The following ENTREP2 variants were observed in gnomAD, a reference collection of about 807,000 sequenced individuals.
ENTREP2 encodes the protein endosomal transmembrane epsin interactor 2.
the ENTREP2 span, among the ~76,000 whole-genome samples, chr15:29,246,973 GCACACACACACACACACACA>G: frequency 5.8e-5 from 8 of 137,094 alleles, no homozygotes; most frequent in East Asian, 2.2e-4. Flanking sequence ...GACTGGAAAG[GCACACACACACACACACACA>G]CACACACACA....
the ENTREP2 span, among the ~76,000 whole-genome samples, chr15:29,566,861 A>ACG: frequency 6.6e-6 from 1 of 151,860 alleles, no homozygotes; most frequent in African/African-American, 2.4e-5. Flanking sequence ...ACACACACAC[A>ACG]CACACACACA....
the ENTREP2 span, among the ~76,000 whole-genome samples, chr15:29,352,647 C>A: frequency 8.5e-5 from 13 of 152,278 alleles, no homozygotes; most frequent in Non-Finnish European, 1.8e-4. Flanking sequence ...CACTGATGAG[C>A]CTGTCCTTCC....
the ENTREP2 span, among the ~76,000 whole-genome samples, chr15:29,497,002 G>T: frequency 6.6e-6 from 1 of 152,172 alleles, no homozygotes; most frequent in African/African-American, 2.4e-5. Flanking sequence ...CAATGCAACA[G>T]TATTAGGAAG....
the ENTREP2 span, among the ~76,000 whole-genome samples, chr15:29,301,394 T>C: frequency 1.4e-4 from 21 of 152,320 alleles, no homozygotes; most frequent in African/African-American, 4.6e-4. Context: ...TGCATGTCCT[T>C]AGAGTTTTCA....
the ENTREP2 span, among the ~76,000 whole-genome samples, chr15:29,448,534 C>A: frequency 6.6e-6 from 1 of 152,170 alleles, no homozygotes; most frequent in Admixed American, 6.5e-5. Flanking sequence ...CTACAGTGTC[C>A]TAGTACTGAA....
chr15:29,332,122 A>G, the ENTREP2 span, among the ~76,000 whole-genome samples: 2 of 152,262 alleles, frequency 1.3e-5, no homozygotes, highest in Non-Finnish European at 2.9e-5. Flanking sequence ...AAGAAAATAT[A>G]CTTTAATAAA....
chr15:29,445,598 C>T, the ENTREP2 span, among the ~76,000 whole-genome samples: 1 of 152,310 alleles, frequency 6.6e-6, no homozygotes, highest in East Asian at 1.9e-4. Flanking sequence ...GAAAGCTCCA[C>T]ACCCCTTTCC....
At chr15:29,293,775 A>G in the ENTREP2 span, among the ~76,000 whole-genome samples, 2 of 152,300 alleles carry the variant, frequency 1.3e-5, no homozygotes, top group African/African-American at 4.8e-5. Context: ...TAATGGAGAG[A>G]TGGAGTGTGG....
At chr15:29,640,432 T>C in the ENTREP2 span, among the ~76,000 whole-genome samples, 12 of 151,814 alleles carry the variant, frequency 7.9e-5, no homozygotes, top group Non-Finnish European at 1.6e-4. Context: ...CTGAGGTGGG[T>C]GGATGGTCTG....
the ENTREP2 span, among the ~76,000 whole-genome samples, chr15:29,619,317 A>G: frequency 2.6e-5 from 4 of 152,204 alleles, no homozygotes; most frequent in African/African-American, 9.6e-5. Flanking sequence ...GCTTGAACCC[A>G]GGAGGCGGAG....
chr15:29,148,268 T>C, the ENTREP2 span, among the ~76,000 whole-genome samples: 2 of 152,212 alleles, frequency 1.3e-5, no homozygotes, highest in Non-Finnish European at 2.9e-5. Flanking sequence ...GAATTTTAAA[T>C]GGAGGAATTG....
the ENTREP2 span, among the ~76,000 whole-genome samples, chr15:29,300,012 T>C: frequency 0.53 from 77,293 of 144,518 alleles, 22,651 homozygotes; most frequent in African/African-American, 0.84. Flanking sequence ...TGGATGGATG[T>C]GTGGATGGAT....
chr15:29,178,416 C>G, the ENTREP2 span, among the ~76,000 whole-genome samples: 1 of 152,122 alleles, frequency 6.6e-6, no homozygotes, highest in African/African-American at 2.4e-5. Context: ...CAATGCATCT[C>G]TCCGTTTTCA....
the ENTREP2 span, among the ~76,000 whole-genome samples, chr15:29,140,679 G>A: frequency 6.6e-6 from 1 of 152,104 alleles, no homozygotes; most frequent in South Asian, 2.1e-4. Flanking sequence ...AAATGCCTGT[G>A]ACCCTGAAAA....
At chr15:29,241,177 A>G in the ENTREP2 span, among the ~76,000 whole-genome samples, 1 of 152,198 alleles carries the variant, frequency 6.6e-6, no homozygotes, top group South Asian at 2.1e-4. Flanking sequence ...AAAAGAACGT[A>G]TATTCACTGA....
the ENTREP2 span, chr15:29,609,545 T>G: frequency 2.0e-5 from 3 of 149,932 alleles, no homozygotes; most frequent in African/African-American, 7.3e-5. Context: ...ATGTTATGAC[T>G]GATCAAGAAG....
the ENTREP2 span, among the ~76,000 whole-genome samples, chr15:29,330,446 C>T: frequency 3.3e-5 from 5 of 151,980 alleles, no homozygotes; most frequent in Non-Finnish European, 7.4e-5. Context: ...GAGACTCTGT[C>T]TCAAAAAAAA....
chr15:29,339,623 G>A, the ENTREP2 span, among the ~76,000 whole-genome samples: 1 of 152,318 alleles, frequency 6.6e-6, no homozygotes, highest in East Asian at 1.9e-4. Context: ...GACAACAGCA[G>A]TGGCCCCCAG....
At chr15:29,569,967 C>T in the ENTREP2 span, 4 of 152,092 alleles carry the variant, frequency 2.6e-5, no homozygotes, top group Admixed American at 2.6e-4. Flanking sequence ...CAGCGAGCGA[C>T]CACAGGGGCC....
Sources: gnomAD v4.1 joint callset for allele counts (sites outside exome capture counted in the v4.1 genomes callset) on GRCh38, gnomAD v4.1.1 for gene constraint, MANE v1.5 for transcripts, NCBI Gene and HGNC (gene_info 2026-07-23, HGNC 2026-07-21) for gene names.